The following ACTR5 variants were observed in gnomAD, a reference collection of about 807,000 sequenced individuals.
ACTR5 encodes actin related protein 5.
In ACTR5, 43 loss-of-function variants were observed where a neutral mutation model predicts 61.2. The ratio of observed to expected loss-of-function variants is 0.70; its 90% CI spans 0.55 to 0.91. The LOEUF (loss-of-function observed/expected upper bound fraction) is 0.91. Among genes scored for constraint, ACTR5 ranks in the 40% least tolerant of loss-of-function variants. The pLI is 0.00. For missense variants in ACTR5, 798 were observed against 782.2 expected (o/e 1.02, Z -0.24); for synonymous variants, 333 against 310.5 (o/e 1.07, Z -0.76).
At chr20:38,762,005 A>G (rs1271034087) in intron 5 of ACTR5, among the ~76,000 whole-genome samples, 2 of 152,242 alleles carry the variant, frequency 1.3e-5, no homozygotes, top group Non-Finnish European at 2.9e-5. Context: ...CTATTGCTAC[A>G]AAAACCATTC....
chr20:38,765,910 C>G (rs1048546036), intron 6 of ACTR5, among the ~76,000 whole-genome samples: 3 of 152,350 alleles, frequency 2.0e-5, no homozygotes, highest in Admixed American at 6.5e-5. Context: ...TGGGAGAGAG[C>G]TTCCTTGCCG....
At chr20:38,769,561 G>A (rs1291204823) in intron 8 of ACTR5, among the ~76,000 whole-genome samples, 1 of 152,176 alleles carries the variant, frequency 6.6e-6, no homozygotes, top group African/African-American at 2.4e-5. Context: ...CCGCGGGAGG[G>A]AGGACAGGCT....
chr20:38,766,322 C>T lies in ACTR5; in HGVS notation c.1378C>T (p.Leu460Phe). 1.5e-5 allele frequency: 25 copies of T among 1,614,106 alleles called. No homozygotes were observed. Among genetic ancestry groups the T allele is most frequent in the Non-Finnish European group, 2.1e-5 (25 of 1,180,018 alleles). The change falls in exon 7 of 9, where the codon CTC becomes TTC. Residue 460 changes from leucine (L) to phenylalanine (F), a missense_variant. Physicochemically the swap from Leu to Phe is conservative, Grantham distance 22. Transcript: ENST00000243903. ...TCCAGAGATTATTTTCCAGCCATCTCTCATAGGAGAAGAACAGGCTGGGAT... is the reference window on the plus strand; with the variant it reads ...TCCAGAGATTATTTTCCAGCCATCTTTCATAGGAGAAGAACAGGCTGGGAT... The part of the protein sequence containing the change: ...RAPEIIFQPS[L>F]IGEEQAGIAE...
At position 38,772,018 on chromosome 20, in the gene ACTR5, G is replaced by A; in HGVS notation, c.*202G>A. 1 of 691,282 alleles carries A rather than the reference G, an allele frequency of 1.4e-6. No individual in the cohort carries two copies. The highest frequency in any genetic ancestry group is 2.3e-6 in the Non-Finnish European group (1 of 425,956). The allele number at this position is 691,282 out of a possible 1,614,324, so 42.8% of individuals were successfully genotyped here. A position where few individuals can be genotyped will look rare whatever the true frequency, so the allele number is the denominator to read the frequency against. On this transcript the variant is annotated 3_prime_UTR_variant, in exon 9 of 9. Transcript: ENST00000243903. The stretch of plus-strand genomic sequence containing the variant: ...TTCGGTTCACTTGGGGGCTTCTGTG[G>A]TAGAGACTAACTGGCCTTCTGATGT...
In ACTR5 at chr20:38,750,226, A is replaced by T. The variant is rs754284110; in HGVS notation, c.592A>T (p.Ile198Phe). The change falls in exon 2 of 9, where the codon ATC becomes TTC. Residue 198 changes from isoleucine to phenylalanine, a missense_variant. Ile to Phe is a conservative substitution (Grantham distance 21). Coordinates refer to ENST00000243903, the MANE Select transcript of ACTR5 (RefSeq NM_024855.4). ...ATACCAGTGTACGCATGTTTTACCC[A>T]TCTTAGAAGGGAGGTGAGTTGCACT... is the stretch of plus-strand genomic sequence containing the variant. Reference protein sequence around the residue: ...SGYQCTHVLPILEGRLDAKNC... With the variant: ...SGYQCTHVLPFLEGRLDAKNC... The T allele has an allele frequency of 6.2e-7, 1 of 1,613,524 alleles. No homozygotes were observed. The highest frequency in any genetic ancestry group is 1.1e-5 in the South Asian group (1 of 90,892).
intron 5 of ACTR5, among the ~76,000 whole-genome samples, chr20:38,756,501 A>G (rs575242149): frequency 6.6e-6 from 1 of 152,346 alleles, no homozygotes; most frequent in South Asian, 2.1e-4. Flanking sequence ...TAATATATGT[A>G]TAGGTTGCCT....
At position 38,748,641 on chromosome 20, in the gene ACTR5, C is replaced by G. The variant is rs764974259; in HGVS notation, c.163C>G (p.Pro55Ala). ...GWACPGQDPG[P>A]EPRLQFRAVC... is the part of the protein sequence containing the mutation. ...GGCGTGTCCCGGGCAGGACCCAGGT[C>G]CCGAGCCGCGCCTGCAGTTCCGCGC... The change falls in exon 1 of 9, where the codon CCC (proline) becomes GCC (alanine). Residue 55 changes from proline (P) to alanine (A), a missense_variant. Transcript: ENST00000243903. 3 of 1,518,538 alleles carry G rather than the reference C, an allele frequency of 2.0e-6. No homozygotes were observed. Among genetic ancestry groups the G allele is most frequent in the African/African-American group, 1.5e-5 (1 of 68,820 alleles). The allele number at this position is 1,518,538 out of a possible 1,614,324, so 94.1% of individuals were successfully genotyped here.
chr20:38,749,634 C>T (rs1305897136), intron 1 of ACTR5, among the ~76,000 whole-genome samples: 1 of 152,116 alleles, frequency 6.6e-6, no homozygotes, highest in Non-Finnish European at 1.5e-5. Context: ...AATGAATTGT[C>T]TTGGATCATA....
intron 3 of ACTR5, among the ~76,000 whole-genome samples, chr20:38,753,701 T>TA (rs747648770): frequency 2.6e-5 from 4 of 152,088 alleles, no homozygotes; most frequent in Non-Finnish European, 4.4e-5. Flanking sequence ...GGATGATTTT[T>TA]AAAAAAAATC....
intron 5 of ACTR5, among the ~76,000 whole-genome samples, chr20:38,761,161 A>G (rs924802614): frequency 2.0e-5 from 3 of 152,030 alleles, no homozygotes; most frequent in African/African-American, 7.2e-5. Context: ...GCCTCAAGCA[A>G]GCCTCCCACC....
At chr20:38,752,075 C>G (rs1045027540) in intron 2 of ACTR5, 56 bp from the exon 3 acceptor site, 4 of 1,556,366 alleles carry the variant, frequency 2.6e-6, no homozygotes, top group Non-Finnish European at 3.5e-6. Flanking sequence ...TCCCAAGATG[C>G]TCCATATTTC....
intron 1 of ACTR5, 28 bp downstream of exon 1, chr20:38,748,881 C>T: frequency 1.3e-6 from 2 of 1,584,824 alleles, no homozygotes; most frequent in Non-Finnish European, 1.7e-6. Context: ...CTGGGCTGGG[C>T]TGGGTTTGAG....
intron 8 of ACTR5, among the ~76,000 whole-genome samples, chr20:38,770,707 G>T (rs1249597849): frequency 6.6e-6 from 1 of 152,154 alleles, no homozygotes; most frequent in Non-Finnish European, 1.5e-5. Context: ...TGAAGCCAGG[G>T]GGTGGGGCCT....
At chr20:38,751,216 G>A (rs899927580) in intron 2 of ACTR5, among the ~76,000 whole-genome samples, 2 of 152,124 alleles carry the variant, frequency 1.3e-5, no homozygotes, top group African/African-American at 4.8e-5. Context: ...TTCATTTCCT[G>A]ATACGTAAAA....
chr20:38,769,553 G>A (rs1028890374), intron 8 of ACTR5, among the ~76,000 whole-genome samples: 3 of 152,186 alleles, frequency 2.0e-5, no homozygotes, highest in East Asian at 1.9e-4. Context: ...ACGAGGAGCC[G>A]CGGGAGGGAG....
chr20:38,770,483 T>C (rs2084513406), intron 8 of ACTR5, among the ~76,000 whole-genome samples: 1 of 152,256 alleles, frequency 6.6e-6, no homozygotes, highest in East Asian at 1.9e-4. Context: ...GATAGCTTAT[T>C]TTGTAACCTG....
chr20:38,759,319 A>G (rs1202631140), intron 5 of ACTR5, among the ~76,000 whole-genome samples: 1 of 152,210 alleles, frequency 6.6e-6, no homozygotes, highest in Non-Finnish European at 1.5e-5. Context: ...AAGAACAGTC[A>G]TATTAGTGTT....
intron 4 of ACTR5, among the ~76,000 whole-genome samples, chr20:38,755,587 A>T (rs1438420967): frequency 6.9e-6 from 1 of 143,988 alleles, no homozygotes; most frequent in East Asian, 2.0e-4. Context: ...CTTCCTTCAC[A>T]TCCCCCGCCC....
chr20:38,756,711 C>T (rs1203977811), intron 5 of ACTR5, among the ~76,000 whole-genome samples: 1 of 152,190 alleles, frequency 6.6e-6, no homozygotes, highest in Admixed American at 6.5e-5. Context: ...TCAAGACCAG[C>T]GTGGCCCACA....
Sources: allele counts gnomAD v4.1 joint callset (sites outside exome capture counted in the v4.1 genomes callset), GRCh38; gene constraint gnomAD v4.1.1; transcripts MANE v1.5; gene names NCBI Gene and HGNC (gene_info 2026-07-23, HGNC 2026-07-21).